The following TPST2 variants were observed in gnomAD, a reference collection of about 807,000 sequenced individuals.
TPST2 encodes protein-tyrosine sulfotransferase 2.
TPST2 carries 16 observed loss-of-function variants against 27.8 expected under a neutral mutation model. The ratio of observed to expected loss-of-function variants is 0.58; its 90% CI spans 0.39 to 0.88. The LOEUF is 0.88. TPST2 is among the 40% of genes least tolerant of loss of function. The pLI, the probability that TPST2 is intolerant of heterozygous loss-of-function variation, is 0.00. For missense variants in TPST2, 464 were observed against 543.1 expected (o/e 0.85, Z 1.45); for synonymous variants, 229 against 231.7 (o/e 0.99, Z 0.10).
intron 1 of TPST2, among the ~76,000 whole-genome samples, chr22:26,579,758 C>T (rs990541919): frequency 1.3e-5 from 2 of 151,102 alleles, no homozygotes; most frequent in Non-Finnish European, 2.9e-5. Context: ...CAGATTGGGG[C>T]GGAAGAAGAC....
chr22:26,551,755 T>C (rs531045153), intron 1 of TPST2, among the ~76,000 whole-genome samples: 7 of 152,244 alleles, frequency 4.6e-5, no homozygotes, highest in South Asian at 2.1e-4. Flanking sequence ...AGCCTCAGTG[T>C]TCTCATCTGA....
At position 26,522,620 on chromosome 22, in the gene TPST2, G is replaced by T. The variant is rs1924612245; in HGVS notation, c.*3655C>A. 6.6e-6 allele frequency: 1 copy of T among 152,244 alleles called. No homozygotes were observed. The highest frequency in any genetic ancestry group is 1.5e-5 in the Non-Finnish European group (1 of 68,048). 9.4% of individuals were successfully genotyped at this position (152,244 alleles called of 1,614,324 possible). A position where few individuals can be genotyped will look rare whatever the true frequency, so the allele number is the denominator to read the frequency against. On this transcript the variant is annotated 3_prime_UTR_variant, in exon 7 of 7. Transcript: ENST00000338754. Reference sequence around the variant, plus strand: ...AGACTCACTCATACAGTGGCATCAAGAGGTTATATGTGCAGGAGAACGTCC... The same window carrying T: ...AGACTCACTCATACAGTGGCATCAATAGGTTATATGTGCAGGAGAACGTCC...
At position 26,563,854 on chromosome 22, in the gene TPST2, T is replaced by G. The variant is rs188554126; in HGVS notation, c.-160-19179A>C. Among the ~76,000 whole-genome samples the G allele has an allele frequency of 1.9e-3, 284 of 152,290 alleles. 3 individuals carry two copies. Among genetic ancestry groups the G allele is most frequent in the African/African-American group, 6.7e-3 (279 of 41,560 alleles). On this transcript the variant is annotated intron_variant, in intron 1 of 6. Coordinates refer to ENST00000338754, the MANE Select transcript of TPST2 (RefSeq NM_003595.5). ...CTGGGAGGCTGCTAGTCCCATGCCT[T>G]AGAAGGTACTTAACCGGCTTTTTAA...
intron 3 of TPST2, among the ~76,000 whole-genome samples, chr22:26,539,557 G>C (rs1167663450): frequency 3.3e-5 from 5 of 151,618 alleles, no homozygotes; most frequent in African/African-American, 7.3e-5. Context: ...GAGCTCAGGG[G>C]TTGGAGACCA....
intron 1 of TPST2, among the ~76,000 whole-genome samples, chr22:26,571,602 G>A (rs1430967174): frequency 6.6e-6 from 1 of 152,034 alleles, no homozygotes; most frequent in Admixed American, 6.5e-5. Context: ...CTTCTCCTAA[G>A]GCCACAGAAT....
rs12168982 is a variant in TPST2, at chr22:26,552,989, G to A, written c.-160-8314C>T. ...GCAGGAGAACTGCTTGAACCCGGGA[G>A]GCGGAGGTTGCAGTGAGCTGAGATT... On this transcript the variant is annotated intron_variant, in intron 1 of 6. Transcript: ENST00000338754. Among the ~76,000 whole-genome samples the A allele has an allele frequency of 3.5e-3, 529 of 151,176 alleles. 5 individuals are homozygous for A. Among genetic ancestry groups the A allele is most frequent in the Non-Finnish European group, 5.8e-3 (394 of 67,884 alleles).
chr22:26,579,893 G>A (rs1928024954), intron 1 of TPST2, among the ~76,000 whole-genome samples: 1 of 136,220 alleles, frequency 7.3e-6, no homozygotes, highest in South Asian at 2.7e-4. Context: ...CAGAGACAGG[G>A]AAAGACGTGA....
At chr22:26,550,797 C>T (rs1926426282) in intron 1 of TPST2, 1 of 355,062 alleles carries the variant, frequency 2.8e-6, no homozygotes, top group East Asian at 1.7e-4. Context: ...TGGGCAGGGT[C>T]CCTGGGAATC....
intron 1 of TPST2, among the ~76,000 whole-genome samples, chr22:26,551,393 T>C (rs994884315): frequency 6.6e-6 from 1 of 152,194 alleles, no homozygotes; most frequent in Non-Finnish European, 1.5e-5. Context: ...CATTTTGTCT[T>C]AACCATTGAC....
rs1924607852 is a variant in TPST2 at position 26,522,540 on chromosome 22, A to G, written c.*3735T>C. 1 of 152,204 alleles carries G rather than the reference A, an allele frequency of 6.6e-6. No homozygotes were observed. Among genetic ancestry groups the G allele is most frequent in the Non-Finnish European group, 1.5e-5 (1 of 68,054 alleles). 9.4% of individuals were successfully genotyped at this position (152,204 alleles called of 1,614,324 possible). On this transcript the variant is annotated 3_prime_UTR_variant, in exon 7 of 7. Transcript: ENST00000338754. ...TCAGGGTACATGGGTGGAATTAATCAAAAAAGTTAGTATGTATGCCTTTCA... is the reference window on the plus strand; with the variant it reads ...TCAGGGTACATGGGTGGAATTAATCGAAAAAGTTAGTATGTATGCCTTTCA...
chr22:26,579,610 T>G (rs905212409), intron 1 of TPST2, among the ~76,000 whole-genome samples: 3 of 152,132 alleles, frequency 2.0e-5, no homozygotes, highest in Non-Finnish European at 4.4e-5. Flanking sequence ...TCTGCAAGGG[T>G]CCGGATGGTT....
intron 1 of TPST2, among the ~76,000 whole-genome samples, chr22:26,557,720 T>C (rs1183126940): frequency 7.0e-6 from 1 of 142,678 alleles, no homozygotes; most frequent in Non-Finnish European, 1.5e-5. Flanking sequence ...GGCCAAGTGA[T>C]AGCTGCTGGG....
At chr22:26,589,109 T>C (rs541497058) in intron 1 of TPST2, among the ~76,000 whole-genome samples, 8 of 152,244 alleles carry the variant, frequency 5.3e-5, no homozygotes, top group African/African-American at 1.9e-4. Context: ...TCAGGAGGCC[T>C]GTGAGTGAGT....
chr22:26,577,511 C>T (rs947169387), intron 1 of TPST2, among the ~76,000 whole-genome samples: 6 of 151,792 alleles, frequency 4.0e-5, no homozygotes, highest in Non-Finnish European at 7.4e-5. Flanking sequence ...CCATGCCCAG[C>T]TAATTTTTTG....
chr22:26,536,050 C>A, intron 4 of TPST2: 1 of 681,812 alleles, frequency 1.5e-6, no homozygotes, highest in Non-Finnish European at 2.8e-6. Context: ...ACAAGCTGGC[C>A]TGCTGTTAGA....
chr22:26,571,955 A>ACCCC (rs1927644999), intron 1 of TPST2, among the ~76,000 whole-genome samples: 1 of 151,984 alleles, frequency 6.6e-6, no homozygotes, highest in Non-Finnish European at 1.5e-5. Context: ...CTGTCCCCAT[A>ACCCC]TGGTGGCATG....
At chr22:26,532,774 T>C (rs751530842) in intron 4 of TPST2, 29 bp from the exon 5 acceptor site, 2 of 1,607,086 alleles carry the variant, frequency 1.2e-6, no homozygotes, top group Admixed American at 1.7e-5. Context: ...AATATCACTA[T>C]TATGAAAATG....
chr22:26,576,687 A>C (rs1234078572), intron 1 of TPST2, among the ~76,000 whole-genome samples: 2 of 152,006 alleles, frequency 1.3e-5, no homozygotes, highest in Admixed American at 1.3e-4. Context: ...TAGTAAGACA[A>C]AGCCGGGCAC....
intron 1 of TPST2, among the ~76,000 whole-genome samples, chr22:26,547,163 C>T (rs1213997794): frequency 6.6e-6 from 1 of 152,112 alleles, no homozygotes; most frequent in Non-Finnish European, 1.5e-5. Flanking sequence ...TCTTCGTTCA[C>T]TGCAGCCTTG....
Sources: allele counts gnomAD v4.1 joint callset (sites outside exome capture counted in the v4.1 genomes callset), GRCh38; gene constraint gnomAD v4.1.1; transcripts MANE v1.5; gene names NCBI Gene and HGNC (gene_info 2026-07-23, HGNC 2026-07-21).